TMPRSS15: variants seen among roughly 807,000 people sequenced by gnomAD.
TMPRSS15 encodes the protein enteropeptidase.
TMPRSS15 carries 128 observed loss-of-function variants against 125.3 expected under a neutral mutation model. The observed-to-expected ratio is 1.02, with a 90% confidence interval of 0.89 to 1.18. TMPRSS15 has a LOEUF of 1.18. TMPRSS15 is among the 50% of genes most tolerant of loss of function. The pLI is 0.00. For missense variants in TMPRSS15, 1,283 were observed against 1,212.7 expected, an observed-to-expected ratio of 1.06 and a Z score of -0.86; for synonymous variants, 446 against 423.2, an observed-to-expected ratio of 1.05 and a Z score of -0.66.
Position 18,281,192 on chromosome 21 carries a change from G to T in TMPRSS15, c.2516C>A (p.Ala839Glu), listed in dbSNP as rs1568979898. The T allele has an allele frequency of 1.2e-6, 2 of 1,614,044 alleles. No individual in the cohort carries two copies. The highest frequency in any genetic ancestry group is 1.7e-6 in the Non-Finnish European group (2 of 1,179,992). ...TGATTTCATATGCAGGCCTAGGATT[G>T]CTGTCCACTTGGATGGCTCTAAGTT... ...GRNLEPSKWTAILGLHMKSNL... is the reference protein window; with the variant it reads ...GRNLEPSKWTEILGLHMKSNL... The change falls in exon 22 of 25, where the codon GCA (alanine) becomes GAA (glutamate). Residue 839 changes from alanine to glutamate, a missense_variant. Ala to Glu is a moderately radical substitution (Grantham distance 107). Coordinates refer to ENST00000284885, the MANE Select transcript of TMPRSS15 (RefSeq NM_002772.3).
chr21:18,341,705 A>G (rs1302418578), intron 12 of TMPRSS15, among the ~76,000 whole-genome samples, 157 bp from the exon 13 acceptor site: 1 of 152,200 alleles, frequency 6.6e-6, no homozygotes. Flanking sequence ...AAATCTTGAC[A>G]GATCATGCTT....
At chr21:18,402,028 T>C (rs1321667143) in intron 1 of TMPRSS15, among the ~76,000 whole-genome samples, 1 of 152,208 alleles carries the variant, frequency 6.6e-6, no homozygotes, top group Non-Finnish European at 1.5e-5. Context: ...TGTATTTTAG[T>C]ACTTTGTATA....
intron 21 of TMPRSS15, among the ~76,000 whole-genome samples, chr21:18,287,148 C>G (rs1396423070): frequency 6.6e-6 from 1 of 152,184 alleles, no homozygotes; most frequent in Non-Finnish European, 1.5e-5. Context: ...TAAACCTTAT[C>G]AGAGGAAAGA....
chr21:18,374,591 G>A (rs1005627980), intron 5 of TMPRSS15, among the ~76,000 whole-genome samples: 8 of 151,638 alleles, frequency 5.3e-5, no homozygotes, highest in African/African-American at 1.9e-4. Flanking sequence ...AGGCAGTTTG[G>A]TACCAGATTC....
intron 22 of TMPRSS15, among the ~76,000 whole-genome samples, chr21:18,280,407 T>C (rs922591209): frequency 6.6e-6 from 1 of 151,714 alleles, no homozygotes; most frequent in African/African-American, 2.4e-5. Flanking sequence ...AAACCCCATC[T>C]CTACTAAAAA....
intron 24 of TMPRSS15, among the ~76,000 whole-genome samples, chr21:18,274,470 A>G (rs1340853204): frequency 6.6e-6 from 1 of 152,214 alleles, no homozygotes; most frequent in Non-Finnish European, 1.5e-5. Context: ...AGGTGGCAAG[A>G]TATTTCAGTG....
chr21:18,481,580 C>T (rs1304194372), intron 1 of TMPRSS15, among the ~76,000 whole-genome samples: 1 of 151,646 alleles, frequency 6.6e-6, no homozygotes, highest in African/African-American at 2.4e-5. Context: ...ATAAAACCTA[C>T]AGAAGACGGA....
chr21:18,306,725 T>C (rs1188985519), intron 18 of TMPRSS15, among the ~76,000 whole-genome samples: 1 of 152,118 alleles, frequency 6.6e-6, no homozygotes, highest in Admixed American at 6.5e-5. Context: ...ATTTATATAT[T>C]GGGTTAGTAA....
intron 1 of TMPRSS15, among the ~76,000 whole-genome samples, chr21:18,444,576 A>G (rs1458659103): frequency 6.6e-6 from 1 of 152,190 alleles, no homozygotes; most frequent in African/African-American, 2.4e-5. Context: ...TGGCACATGT[A>G]TACCTATGTA....
chr21:18,404,462 C>A (rs1019188591), upstream of TMPRSS15, among the ~76,000 whole-genome samples: 7 of 151,986 alleles, frequency 4.6e-5, no homozygotes, highest in African/African-American at 1.7e-4. Context: ...CCAATTAGAA[C>A]AAGAGAACAG....
At chr21:18,286,501 T>C (rs1474567760) in intron 21 of TMPRSS15, among the ~76,000 whole-genome samples, 2 of 152,220 alleles carry the variant, frequency 1.3e-5, no homozygotes, top group Non-Finnish European at 2.9e-5. Context: ...CAATCTGATT[T>C]CTTCCTGTTT....
intron 5 of TMPRSS15, among the ~76,000 whole-genome samples, chr21:18,374,326 A>G (rs1240801614): frequency 6.8e-6 from 1 of 147,204 alleles, no homozygotes; most frequent in Non-Finnish European, 1.5e-5. Context: ...ACAAAAAATT[A>G]GCCGGGCGCG....
intron 3 of TMPRSS15, among the ~76,000 whole-genome samples, chr21:18,388,771 A>T (rs1601426079): frequency 6.6e-6 from 1 of 152,326 alleles, no homozygotes; most frequent in South Asian, 2.1e-4. Context: ...ACCAACAAAA[A>T]ATAAAACTTT....
intron 1 of TMPRSS15, among the ~76,000 whole-genome samples, chr21:18,453,123 T>C (rs550387199): frequency 1.3e-5 from 2 of 152,340 alleles, no homozygotes; most frequent in African/African-American, 4.8e-5. Context: ...TTTTTAATTT[T>C]GCAATGTCAC....
At chr21:18,365,801 C>T (rs1182094490) in intron 6 of TMPRSS15, among the ~76,000 whole-genome samples, 4 of 141,164 alleles carry the variant, frequency 2.8e-5, no homozygotes, top group Admixed American at 2.3e-4. Context: ...TGGAATGCAA[C>T]GGCGCGATCT....
At chr21:18,345,242 C>T (rs2075492564) in intron 10 of TMPRSS15, among the ~76,000 whole-genome samples, 1 of 152,096 alleles carries the variant, frequency 6.6e-6, no homozygotes, top group Non-Finnish European at 1.5e-5. Flanking sequence ...CACATTACTC[C>T]TATTTTATAT....
chr21:18,307,883 A>T (rs773029384), intron 18 of TMPRSS15, among the ~76,000 whole-genome samples: 4 of 152,204 alleles, frequency 2.6e-5, no homozygotes, highest in Non-Finnish European at 5.9e-5. Context: ...TCCAGGAAAC[A>T]ATGTAGTTAA....
At chr21:18,427,945 A>T (rs1020244943) in intron 1 of TMPRSS15, among the ~76,000 whole-genome samples, 3 of 152,240 alleles carry the variant, frequency 2.0e-5, no homozygotes, top group African/African-American at 7.2e-5. Flanking sequence ...CATGTAAGGC[A>T]GTCACAGAAA....
intron 1 of TMPRSS15, among the ~76,000 whole-genome samples, chr21:18,475,876 T>C (rs952502859): frequency 6.6e-5 from 10 of 152,224 alleles, no homozygotes; most frequent in African/African-American, 2.4e-4. Flanking sequence ...AGATCACTTT[T>C]GGACTTTGTA....
Sources: gnomAD v4.1 joint callset for allele counts (sites outside exome capture counted in the v4.1 genomes callset) on GRCh38, gnomAD v4.1.1 for gene constraint, MANE v1.5 for transcripts, NCBI Gene and HGNC (gene_info 2026-07-23, HGNC 2026-07-21) for gene names.